The following LTBP1 variants were observed in gnomAD, a reference collection of about 807,000 sequenced individuals.
The protein encoded by LTBP1 is latent transforming growth factor beta binding protein 1.
A neutral mutation model predicts 207.6 loss-of-function variants in LTBP1; 129 were observed. The ratio of observed to expected loss-of-function variants is 0.62; its 90% CI spans 0.54 to 0.72. The LOEUF is 0.72. Ranked by LOEUF, LTBP1 falls within the 30% of genes least tolerant of loss-of-function variation. The pLI is 0.00. For synonymous variants in LTBP1, 963 were observed against 833.7 expected (o/e 1.16, Z -2.67); for missense variants, 2,281 against 2,217.2 (o/e 1.03, Z -0.58).
chr2:33,300,847 G>C (rs778296636), intron 21 of LTBP1, among the ~76,000 whole-genome samples: 2 of 152,050 alleles, frequency 1.3e-5, no homozygotes, highest in Admixed American at 6.6e-5. Context: ...TACTACAGAA[G>C]GTAATTTCCA....
In LTBP1 at chr2:33,293,163, T is replaced by C. The variant is rs2093808337; in HGVS notation, c.3116T>C (p.Val1039Ala). 13 of 1,612,054 alleles carry C rather than the reference T, an allele frequency of 8.1e-6. No individual in the cohort carries two copies. The highest frequency in any genetic ancestry group is 1.1e-5 in the Non-Finnish European group (13 of 1,179,502). ...FRGWNGQCLD[V>A]DECLEPNVCA... The stretch of plus-strand genomic sequence containing the variant: ...CCATTACGCAACATTCTTCAAGATG[T>C]GGACGAGTGCCTGGAACCAAACGTC... The change falls in exon 20 of 34, where the codon GTG (valine) becomes GCG (alanine). Residue 1039 changes from valine to alanine, a missense_variant. Around this residue, in one of 3 missense-constraint regions of LTBP1, gnomAD observed 1,671 missense variants for 1,634.8 expected, o/e 1.02. Coordinates refer to ENST00000404816, the MANE Select transcript of LTBP1 (RefSeq NM_206943.4).
chr2:33,078,052 C>T (rs894279489), intron 3 of LTBP1, among the ~76,000 whole-genome samples: 4 of 152,140 alleles, frequency 2.6e-5, no homozygotes, highest in Non-Finnish European at 5.9e-5. Context: ...GTTGCAATTG[C>T]TTGCAGCCTG....
At chr2:33,318,120 A>C (rs1379972619) in intron 24 of LTBP1, among the ~76,000 whole-genome samples, 1 of 152,142 alleles carries the variant, frequency 6.6e-6, no homozygotes, top group African/African-American at 2.4e-5. Flanking sequence ...AATAATGTAC[A>C]CATTCCAAAA....
intron 5 of LTBP1, among the ~76,000 whole-genome samples, chr2:33,171,922 A>G (rs1387295481): frequency 6.6e-6 from 1 of 152,214 alleles, no homozygotes; most frequent in Non-Finnish European, 1.5e-5. Context: ...TCGGAAGTGA[A>G]GGAGAAATAA....
At chr2:33,319,978 T>G (rs2094330359) in intron 24 of LTBP1, among the ~76,000 whole-genome samples, 1 of 152,220 alleles carries the variant, frequency 6.6e-6, no homozygotes, top group South Asian at 2.1e-4. Flanking sequence ...CTGTGTGCCA[T>G]CCACTGTTCT....
At position 33,085,153 on chromosome 2, in the gene LTBP1, A is replaced by AAGAAATAGCTGGAGCCGTCCAGAAAT. The variant is rs546993888; in HGVS notation, c.864-25427_864-25426insAAATAGCTGGAGCCGTCCAGAAATAG. Among the ~76,000 whole-genome samples, 56 of 152,204 alleles carry AAGAAATAGCTGGAGCCGTCCAGAAAT rather than the reference A, an allele frequency of 3.7e-4. 2 individuals carry two copies. In the East Asian group the frequency reaches 8.7e-3, roughly 24 times the overall value. On this transcript the variant is annotated intron_variant, in intron 3 of 33. Coordinates refer to ENST00000404816, the MANE Select transcript of LTBP1 (RefSeq NM_206943.4). ...GCCGAGAAATGGCTGGAGCCCCTAGAAGCTGGAAGAGGCAAGGGATGATTC... is the reference window on the plus strand; with the variant it reads ...GCCGAGAAATGGCTGGAGCCCCTAGAAGAAATAGCTGGAGCCGTCCAGAAATAGCTGGAAGAGGCAAGGGATGATTC...
chr2:33,282,380 T>G (rs996772589), intron 19 of LTBP1, among the ~76,000 whole-genome samples: 3 of 152,196 alleles, frequency 2.0e-5, no homozygotes, highest in Non-Finnish European at 2.9e-5. Context: ...TTGTTCATAT[T>G]GGACTTGCAG....
chr2:33,000,928 A>G lies in LTBP1; in HGVS notation c.566-19981A>G, dbSNP rs991016734. 9.7e-5 allele frequency among the ~76,000 whole-genome samples: 13 copies of G among 134,532 alleles called. 2 individuals carry two copies. In the Admixed American group the frequency reaches 1.0e-3, roughly 10 times the overall value. 88.3% of individuals were successfully genotyped at this position (134,532 alleles called of 152,430 possible). ...AGCTTCAGTGTACAATTGCATTTGA[A>G]AAGAGGATTTTTTTTCCAAATTTTG... On this transcript the variant is annotated intron_variant, in intron 2 of 33. Transcript: ENST00000404816.
At chr2:33,044,963 G>T (rs1053078626) in intron 3 of LTBP1, among the ~76,000 whole-genome samples, 2 of 149,914 alleles carry the variant, frequency 1.3e-5, no homozygotes, top group Non-Finnish European at 3.0e-5. Flanking sequence ...GGGTTGTTTG[G>T]TTTTTTTTTC....
At chr2:33,215,429 TAATA>T (rs2090601743) in intron 7 of LTBP1, among the ~76,000 whole-genome samples, 1 of 152,172 alleles carries the variant, frequency 6.6e-6, no homozygotes, top group South Asian at 2.1e-4. Flanking sequence ...TCATTAAAAA[TAATA>T]AAACCTTAGA....
At chr2:32,991,038 A>G (rs1684325848) in intron 2 of LTBP1, among the ~76,000 whole-genome samples, 1 of 152,244 alleles carries the variant, frequency 6.6e-6, no homozygotes, top group African/African-American at 2.4e-5. Flanking sequence ...AGAGAGCTGT[A>G]GCAAAGTTTG....
chr2:33,032,621 G>C (rs1048612875), intron 3 of LTBP1, among the ~76,000 whole-genome samples: 3 of 152,112 alleles, frequency 2.0e-5, no homozygotes, highest in African/African-American at 7.2e-5. Context: ...TGTCTTCCTA[G>C]CTGGACTGCA....
intron 3 of LTBP1, among the ~76,000 whole-genome samples, chr2:33,086,704 A>G (rs1410679023): frequency 1.3e-5 from 2 of 152,030 alleles, no homozygotes; most frequent in Non-Finnish European, 2.9e-5. Flanking sequence ...TTTATCTTTA[A>G]TACAATTGTT....
intron 7 of LTBP1, among the ~76,000 whole-genome samples, chr2:33,193,891 A>G (rs1380962918): frequency 2.0e-5 from 3 of 152,188 alleles, no homozygotes; most frequent in Non-Finnish European, 4.4e-5. Flanking sequence ...CTGAAACACA[A>G]CAATATTGAA....
chr2:33,216,470 A>G (rs1333612805), intron 7 of LTBP1, among the ~76,000 whole-genome samples: 1 of 152,186 alleles, frequency 6.6e-6, no homozygotes, highest in Non-Finnish European at 1.5e-5. Context: ...AGGTGGGAAT[A>G]GGAAGGACCT....
Position 33,309,480 on chromosome 2 carries a change from CTGCATTAAT to C in LTBP1, c.3529_3537del (p.Cys1177_Asn1179del). ...ACAAGAGTGTTTGCCAGAGAGGAGACTGCATTAATACTGCAGGGTCCTATGATTGTACTT... is the reference window on the plus strand; with the variant it reads ...ACAAGAGTGTTTGCCAGAGAGGAGACACTGCAGGGTCCTATGATTGTACTT... On this transcript the variant is annotated inframe_deletion, in exon 23 of 34. Coordinates refer to ENST00000404816, the MANE Select transcript of LTBP1 (RefSeq NM_206943.4). 5 of 1,609,664 alleles carry C rather than the reference CTGCATTAAT, an allele frequency of 3.1e-6. No individual in the cohort carries two copies. The highest frequency in any genetic ancestry group is 4.2e-6 in the Non-Finnish European group (5 of 1,178,176).
chr2:33,025,434 C>T (rs2075370142), intron 3 of LTBP1, among the ~76,000 whole-genome samples: 1 of 152,056 alleles, frequency 6.6e-6, no homozygotes, highest in Non-Finnish European at 1.5e-5. Context: ...TCCAAAAAGA[C>T]ACAAAATAGA....
At chr2:33,044,717 A>G (rs778563251) in intron 3 of LTBP1, among the ~76,000 whole-genome samples, 27 of 152,178 alleles carry the variant, frequency 1.8e-4, no homozygotes, top group Non-Finnish European at 2.4e-4. Context: ...TAACTAATTT[A>G]CATTCCCACC....
At chr2:33,250,865 G>A (rs561060002) in intron 10 of LTBP1, among the ~76,000 whole-genome samples, 1 of 152,286 alleles carries the variant, frequency 6.6e-6, no homozygotes, top group East Asian at 1.9e-4. Flanking sequence ...CCACCTGTGG[G>A]CCTGGGGACT....
Sources: gnomAD v4.1 joint callset for allele counts (sites outside exome capture counted in the v4.1 genomes callset) on GRCh38, gnomAD v4.1.1 for gene constraint, gnomAD v4.1.1 regional missense constraint, MANE v1.5 for transcripts, NCBI Gene and HGNC (gene_info 2026-07-23, HGNC 2026-07-21) for gene names.